CNTNAP5: variants seen among roughly 807,000 people sequenced by gnomAD.
The protein encoded by CNTNAP5 is contactin-associated protein-like 5.
Under a neutral mutation model 150.2 loss-of-function variants are expected in CNTNAP5, and 72 were observed. The observed-to-expected ratio is 0.48, with a 90% CI of 0.40 to 0.58. CNTNAP5 has a LOEUF of 0.58. Ranked by LOEUF, CNTNAP5 falls within the 20% of genes least tolerant of loss-of-function variation. The probability of loss-of-function intolerance (pLI) is 0.00; values close to 1 mark genes in which losing one functional copy is unlikely to be tolerated. For missense variants in CNTNAP5, 1,636 were observed against 1,626.2 expected (o/e 1.01, Z -0.10); for synonymous variants, 672 against 619.8 (o/e 1.08, Z -1.25).
chr2:124,037,777 A>G (rs962788251), intron 1 of CNTNAP5, among the ~76,000 whole-genome samples: 2 of 152,208 alleles, frequency 1.3e-5, no homozygotes, highest in African/African-American at 4.8e-5. Context: ...CAAGGTGACT[A>G]TACTTAACAA....
At chr2:124,456,815 A>G (rs542845186) in intron 6 of CNTNAP5, among the ~76,000 whole-genome samples, 4 of 152,182 alleles carry the variant, frequency 2.6e-5, no homozygotes, top group South Asian at 2.1e-4. Context: ...AAAAGTGGAG[A>G]AAGGTCACCC....
intron 6 of CNTNAP5, among the ~76,000 whole-genome samples, chr2:124,457,444 A>G (rs764661999): frequency 3.3e-5 from 5 of 152,202 alleles, no homozygotes; most frequent in Non-Finnish European, 7.3e-5. Flanking sequence ...AGAAACTACA[A>G]TGAACTCAAA....
rs75777036 is a variant in CNTNAP5, at chr2:124,096,616, A to G, written c.82+70884A>G. On this transcript the variant is annotated intron_variant, in intron 1 of 23. Transcript: ENST00000682447. ...CATATCATATATATTCCAATGAACT[A>G]TTTGGGGAACTGTATTCCCTAGCTC... is the stretch of plus-strand genomic sequence containing the variant. Among the ~76,000 whole-genome samples, 770 of 152,050 alleles carry G rather than the reference A, an allele frequency of 5.1e-3. 2 individuals carry two copies. Among genetic ancestry groups the G allele is most frequent in the African/African-American group, 0.017 (712 of 41,482 alleles).
chr2:124,895,354 G>A (rs1573694801), intron 21 of CNTNAP5, among the ~76,000 whole-genome samples: 2 of 151,408 alleles, frequency 1.3e-5, no homozygotes, highest in Admixed American at 6.6e-5. Context: ...CACCAGGTAT[G>A]GTGGCTCACA....
chr2:124,518,536 T>C (rs1694781052), intron 8 of CNTNAP5, among the ~76,000 whole-genome samples: 2 of 152,166 alleles, frequency 1.3e-5, no homozygotes, highest in Non-Finnish European at 1.5e-5. Flanking sequence ...GGGTTAAATA[T>C]GGAATTGCCC....
At chr2:124,905,961 G>A (rs368328068) in intron 22 of CNTNAP5, among the ~76,000 whole-genome samples, 39 of 152,276 alleles carry the variant, frequency 2.6e-4, no homozygotes, top group African/African-American at 9.1e-4. Flanking sequence ...TGGGAGATGG[G>A]CTCTGGATTG....
intron 1 of CNTNAP5, among the ~76,000 whole-genome samples, chr2:124,052,373 G>A (rs1681721364): frequency 1.3e-5 from 2 of 152,170 alleles, no homozygotes; most frequent in Admixed American, 1.3e-4. Flanking sequence ...TCAAGGACAG[G>A]AGCGAGGAAA....
intron 9 of CNTNAP5, among the ~76,000 whole-genome samples, chr2:124,525,738 A>G (rs1054710763): frequency 6.6e-6 from 1 of 152,212 alleles, no homozygotes; most frequent in African/African-American, 2.4e-5. Flanking sequence ...GGGAGGGAAT[A>G]CACGTCCAGT....
At chr2:124,873,786 C>T (rs1280105531) in intron 21 of CNTNAP5, among the ~76,000 whole-genome samples, 2 of 152,054 alleles carry the variant, frequency 1.3e-5, no homozygotes, top group African/African-American at 4.8e-5. Flanking sequence ...ACATTTCCAA[C>T]TGTAAATCAA....
chr2:124,620,826 T>G (rs1361238779), intron 12 of CNTNAP5, among the ~76,000 whole-genome samples: 1 of 152,052 alleles, frequency 6.6e-6, no homozygotes, highest in East Asian at 1.9e-4. Flanking sequence ...TTTAATATGC[T>G]AATGTAATGT....
At chr2:124,913,553 A>G (rs1047856408) in intron 23 of CNTNAP5, among the ~76,000 whole-genome samples, 1 of 152,122 alleles carries the variant, frequency 6.6e-6, no homozygotes, top group Non-Finnish European at 1.5e-5. Flanking sequence ...CAGTGTAAAA[A>G]TGTTCTAAAT....
chr2:124,283,863 T>C (rs1313451316), intron 3 of CNTNAP5, among the ~76,000 whole-genome samples: 1 of 152,182 alleles, frequency 6.6e-6, no homozygotes, highest in Non-Finnish European at 1.5e-5. Context: ...ACTAATCTCA[T>C]TTATGAGAGC....
At chr2:124,745,317 A>G (rs1397376863) in intron 13 of CNTNAP5, among the ~76,000 whole-genome samples, 1 of 152,154 alleles carries the variant, frequency 6.6e-6, no homozygotes, top group African/African-American at 2.4e-5. Flanking sequence ...TGGATTCTAG[A>G]GTCTGAGAGT....
At chr2:124,742,031 G>A (rs1680507360) in intron 13 of CNTNAP5, among the ~76,000 whole-genome samples, 1 of 152,096 alleles carries the variant, frequency 6.6e-6, no homozygotes. Flanking sequence ...ATCTAAATTG[G>A]AGGTAAAACA....
At chr2:124,344,744 A>G (rs1689698413) in intron 3 of CNTNAP5, among the ~76,000 whole-genome samples, 1 of 152,172 alleles carries the variant, frequency 6.6e-6, no homozygotes, top group Non-Finnish European at 1.5e-5. Flanking sequence ...TGACAGAGTG[A>G]GACCCTGCCT....
chr2:124,521,729 T>A (rs1307080784), intron 8 of CNTNAP5, among the ~76,000 whole-genome samples: 1 of 152,204 alleles, frequency 6.6e-6, no homozygotes, highest in Non-Finnish European at 1.5e-5. Flanking sequence ...TACCTGCAAA[T>A]GCAGTCCCAT....
intron 19 of CNTNAP5, among the ~76,000 whole-genome samples, chr2:124,801,498 T>G (rs1387585402): frequency 6.6e-6 from 1 of 152,224 alleles, no homozygotes; most frequent in East Asian, 1.9e-4. Context: ...CAAATAATAA[T>G]GCATGACTAT....
intron 1 of CNTNAP5, among the ~76,000 whole-genome samples, chr2:124,104,771 C>T (rs1683138900): frequency 6.6e-6 from 1 of 152,146 alleles, no homozygotes; most frequent in African/African-American, 2.4e-5. Context: ...TCTCCTGGCC[C>T]AGCACTAGTT....
intron 1 of CNTNAP5, among the ~76,000 whole-genome samples, chr2:124,113,075 G>C (rs1683335482): frequency 1.3e-5 from 2 of 152,098 alleles, no homozygotes; most frequent in South Asian, 4.1e-4. Flanking sequence ...ATAATCTGGA[G>C]AACAATTTGT....
Sources: allele counts gnomAD v4.1 joint callset (sites outside exome capture counted in the v4.1 genomes callset), GRCh38; gene constraint gnomAD v4.1.1; transcripts MANE v1.5; gene names NCBI Gene and HGNC (gene_info 2026-07-23, HGNC 2026-07-21).